Variants in RANBP17 observed in about 807,000 individuals in gnomAD.
The protein encoded by RANBP17 is RAN binding protein 17.
In RANBP17, 158 loss-of-function variants were observed where a neutral mutation model predicts 141.2. The ratio of observed to expected loss-of-function variants is 1.12; its 90% CI spans 0.98 to 1.28. The LOEUF is 1.28. Among genes scored for constraint, RANBP17 ranks in the 50% most tolerant of loss-of-function variants. The probability of loss-of-function intolerance (pLI) is 0.00; values close to 1 mark genes in which losing one functional copy is unlikely to be tolerated. For missense variants in RANBP17, 1,438 were observed against 1,290.7 expected (o/e 1.11, Z -1.75); for synonymous variants, 430 against 450.0 (o/e 0.96, Z 0.56).
Position 170,953,583 on chromosome 5 carries a change from T to A in RANBP17, c.1469-14T>A. The A allele has an allele frequency of 6.4e-7, 1 of 1,561,462 alleles. No homozygotes were observed. The highest frequency in any genetic ancestry group is 8.7e-7 in the Non-Finnish European group (1 of 1,145,236). On this transcript the variant is annotated splice_polypyrimidine_tract_variant and intron_variant, in intron 12 of 27. Coordinates refer to ENST00000523189, the MANE Select transcript of RANBP17 (RefSeq NM_022897.5). ...AATACTTACTAAACTTTTTTCTTCC[T>A]TATTCTATATTAGGACGTCTTGCAT... is the stretch of plus-strand genomic sequence containing the variant.
At chr5:171,004,379 G>T (rs1779431490) in intron 14 of RANBP17, among the ~76,000 whole-genome samples, 1 of 152,102 alleles carries the variant, frequency 6.6e-6, no homozygotes, top group Non-Finnish European at 1.5e-5. Context: ...AAGGGAACTG[G>T]GCAGGTGGGG....
chr5:171,199,656 T>C lies in RANBP17; in HGVS notation c.2039-14T>C. 6.4e-7 allele frequency: 1 copy of C among 1,556,566 alleles called. No homozygotes were observed. Among genetic ancestry groups the C allele is most frequent in the Non-Finnish European group, 8.8e-7 (1 of 1,130,378 alleles). On this transcript the variant is annotated splice_polypyrimidine_tract_variant and intron_variant, in intron 18 of 27. Transcript: ENST00000523189. ...GCATTTTAAACCGTAGTGACCCTTT[T>C]GTTTCTCTGATAGGTGAAGATGAGG...
intron 14 of RANBP17, among the ~76,000 whole-genome samples, chr5:171,161,145 G>A (rs1759320663): frequency 6.6e-6 from 1 of 152,072 alleles, no homozygotes; most frequent in South Asian, 2.1e-4. Flanking sequence ...TTCTTTTTTA[G>A]GGCTAGCTTT....
In RANBP17 at chr5:171,053,924, T is replaced by A. The variant is rs534736074; in HGVS notation, c.1710+85547T>A. On this transcript the variant is annotated intron_variant, in intron 14 of 27. Coordinates refer to ENST00000523189, the MANE Select transcript of RANBP17 (RefSeq NM_022897.5). ...ATATATATATATATATATATATATATAATTGCTGTATTTGATGCATATATG... is the reference window on the plus strand; with the variant it reads ...ATATATATATATATATATATATATAAAATTGCTGTATTTGATGCATATATG... Among the ~76,000 whole-genome samples the A allele has an allele frequency of 3.8e-4, 17 of 44,248 alleles. 1 individual carries two copies. Among genetic ancestry groups the A allele is most frequent in the Admixed American group, 8.9e-4 (3 of 3,386 alleles). 29.0% of individuals were successfully genotyped at this position (44,248 alleles called of 152,430 possible).
intron 14 of RANBP17, chr5:171,028,882 T>G: frequency 1.6e-6 from 2 of 1,283,528 alleles, no homozygotes; most frequent in Non-Finnish European, 2.0e-6. Flanking sequence ...AAGACAGACA[T>G]CTTCCTGTGA....
At chr5:171,087,311 G>A (rs909471124) in intron 14 of RANBP17, among the ~76,000 whole-genome samples, 21 of 152,000 alleles carry the variant, frequency 1.4e-4, no homozygotes, top group African/African-American at 5.1e-4. Context: ...TAGTTTGATT[G>A]CACTGTGGTC....
intron 25 of RANBP17, among the ~76,000 whole-genome samples, chr5:171,276,083 G>C (rs1040076062): frequency 5.9e-5 from 9 of 152,184 alleles, no homozygotes; most frequent in African/African-American, 2.2e-4. Flanking sequence ...CATAATTTCT[G>C]TACAGCTGGC....
intron 13 of RANBP17, among the ~76,000 whole-genome samples, chr5:170,962,109 T>C (rs151323349): frequency 1.3e-5 from 2 of 152,328 alleles, no homozygotes; most frequent in African/African-American, 4.8e-5. Flanking sequence ...CCCTGATACA[T>C]CTTGGAGCAC....
At chr5:170,949,687 G>A (rs1775049768) in intron 12 of RANBP17, among the ~76,000 whole-genome samples, 1 of 152,156 alleles carries the variant, frequency 6.6e-6, no homozygotes, top group Non-Finnish European at 1.5e-5. Context: ...GTGAAAAGTA[G>A]AGGTGCCATG....
At chr5:171,051,830 C>T (rs1047982244) in intron 14 of RANBP17, among the ~76,000 whole-genome samples, 2 of 152,182 alleles carry the variant, frequency 1.3e-5, no homozygotes, top group African/African-American at 2.4e-5. Context: ...GATGGCCACA[C>T]CATTTTACAT....
intron 14 of RANBP17, among the ~76,000 whole-genome samples, chr5:171,016,176 CTTT>C (rs377305717): frequency 1.8e-5 from 2 of 109,056 alleles, no homozygotes. Context: ...GGGATCACTG[CTTT>C]TTTTTTTTTT....
At chr5:171,161,158 G>A (rs537713180) in intron 14 of RANBP17, among the ~76,000 whole-genome samples, 59 of 152,254 alleles carry the variant, frequency 3.9e-4, no homozygotes, top group Non-Finnish European at 7.8e-4. Context: ...CTAGCTTTTA[G>A]TAACTGGTTT....
intron 12 of RANBP17, among the ~76,000 whole-genome samples, chr5:170,949,178 T>C (rs145874328): frequency 6.6e-6 from 1 of 152,108 alleles, no homozygotes; most frequent in Non-Finnish European, 1.5e-5. Context: ...ATATGACACC[T>C]GAAGCAGACA....
chr5:170,953,753 A>T (rs757761206), intron 13 of RANBP17, 51 bp downstream of exon 13: 4 of 1,220,414 alleles, frequency 3.3e-6, no homozygotes, highest in Non-Finnish European at 4.8e-6. Context: ...GTTAAAAAAA[A>T]TTAGTTATTG....
chr5:171,192,532 A>G (rs1761718261), intron 18 of RANBP17, among the ~76,000 whole-genome samples: 1 of 152,192 alleles, frequency 6.6e-6, no homozygotes, highest in Admixed American at 6.5e-5. Context: ...AGGGAGAAGA[A>G]TTAAAGGGCA....
rs551269385 is a variant in RANBP17, at chr5:171,031,510, A to T, written c.1710+63133A>T. Among the ~76,000 whole-genome samples the T allele has an allele frequency of 1.5e-4, 23 of 152,092 alleles. No individual in the cohort carries two copies. In the South Asian group the frequency reaches 2.9e-3, roughly 19 times the overall value. On this transcript the variant is annotated intron_variant, in intron 14 of 27. Coordinates refer to ENST00000523189, the MANE Select transcript of RANBP17 (RefSeq NM_022897.5). Reference sequence around the variant, plus strand: ...CCTAGAGCCAGGCATTATGGAGATGATATGCTGAAATTGGGGTTTCTTTTC... The same window carrying T: ...CCTAGAGCCAGGCATTATGGAGATGTTATGCTGAAATTGGGGTTTCTTTTC...
chr5:171,277,637 G>GTATATATA (rs70982330), intron 25 of RANBP17, among the ~76,000 whole-genome samples: 37 of 56,916 alleles, frequency 6.5e-4, no homozygotes, highest in East Asian at 1.8e-3. Flanking sequence ...ATATATGTAT[G>GTATATATA]TATATATATA....
At chr5:170,894,811 A>G (rs1407442200) in intron 4 of RANBP17, among the ~76,000 whole-genome samples, 1 of 152,148 alleles carries the variant, frequency 6.6e-6, no homozygotes, top group Non-Finnish European at 1.5e-5. Context: ...TCAGCAAGAT[A>G]AGGAGCTTAT....
rs548401977 is a variant in RANBP17, at chr5:171,195,679, A to T, written c.2039-3991A>T. ...TTAGTCCCCATCTCTGATGCCTTCC[A>T]CCTTATCAGAGACCTGGAAAAGCAT... On this transcript the variant is annotated intron_variant, in intron 18 of 27. Transcript: ENST00000523189. Among the ~76,000 whole-genome samples, 9 of 152,272 alleles carry T rather than the reference A, an allele frequency of 5.9e-5. No homozygotes were observed. In the South Asian group the frequency reaches 1.7e-3, roughly 28 times the overall value.
Sources: gnomAD v4.1 joint callset for allele counts (sites outside exome capture counted in the v4.1 genomes callset) on GRCh38, gnomAD v4.1.1 for gene constraint, MANE v1.5 for transcripts, NCBI Gene and HGNC (gene_info 2026-07-23, HGNC 2026-07-21) for gene names.